The following WDR62 variants were observed in gnomAD, a reference collection of about 807,000 sequenced individuals.
WDR62 encodes the protein WD repeat-containing protein 62.
A neutral mutation model predicts 160.6 loss-of-function variants in WDR62; 112 were observed. The ratio of observed to expected loss-of-function variants is 0.70; its 90% CI spans 0.60 to 0.82. WDR62 has a LOEUF of 0.82. Among genes scored for constraint, WDR62 ranks in the 40% least tolerant of loss-of-function variants. The probability of loss-of-function intolerance (pLI) is 0.00; values close to 1 mark genes in which losing one functional copy is unlikely to be tolerated. For missense variants in WDR62, 1,819 were observed against 1,983.8 expected (o/e 0.92, Z 1.58); for synonymous variants, 792 against 815.1 (o/e 0.97, Z 0.48).
At position 36,103,083 on chromosome 19, in the gene WDR62, T is replaced by C. The variant is rs1973481388; in HGVS notation, c.3462+9T>C. ...CCCCAGACAGGACCCACGTGAGTAT[T>C]GGGCCCACCTCCGTCAGGGCACGGG... On this transcript the variant is annotated intron_variant, in intron 28 of 31. Transcript: ENST00000401500. The C allele has an allele frequency of 6.2e-7, 1 of 1,613,886 alleles. No individual in the cohort carries two copies. The highest frequency in any genetic ancestry group is 1.7e-5 in the Admixed American group (1 of 60,004).
At chr19:36,078,730 G>C (rs1417929013) in intron 9 of WDR62, among the ~76,000 whole-genome samples, 1 of 151,368 alleles carries the variant, frequency 6.6e-6, no homozygotes, top group East Asian at 2.0e-4. Context: ...CAGCTACTTG[G>C]GGGGCTGAGG....
rs548911522 is a variant in WDR62, at chr19:36,080,208, C to T, written c.1234-1225C>T. ...CTGCAAGCTCCGCCTCCCAGGTTCA[C>T]GCCATTCTCCTGCCTCAGCCTCCTG... On this transcript the variant is annotated intron_variant, in intron 9 of 31. Coordinates refer to ENST00000401500, the MANE Select transcript of WDR62 (RefSeq NM_001083961.2). Among the ~76,000 whole-genome samples, 596 of 147,936 alleles carry T rather than the reference C, an allele frequency of 4.0e-3. 3 individuals carry two copies. The highest frequency in any genetic ancestry group is 0.014 in the African/African-American group (572 of 40,264).
chr19:36,083,562 C>T (rs1972031782), intron 11 of WDR62, among the ~76,000 whole-genome samples: 2 of 152,070 alleles, frequency 1.3e-5, no homozygotes, highest in Non-Finnish European at 2.9e-5. Flanking sequence ...GAACTGTCAC[C>T]GAAGATGCCA....
chr19:36,078,221 C>A (rs1971691258), intron 9 of WDR62, among the ~76,000 whole-genome samples: 1 of 151,264 alleles, frequency 6.6e-6, no homozygotes, highest in South Asian at 2.1e-4. Context: ...GATCTCCGCT[C>A]ACTGCAACCT....
At chr19:36,077,492 G>A (rs1971641984) in intron 9 of WDR62, among the ~76,000 whole-genome samples, 2 of 152,008 alleles carry the variant, frequency 1.3e-5, no homozygotes, top group Admixed American at 1.3e-4. Context: ...ATGTTAGCCA[G>A]GATGGTCTCG....
rs144527765 is a variant in WDR62 at position 36,099,634 on chromosome 19, C to T, written c.2739+17C>T. The T allele has an allele frequency of 8.7e-6, 14 of 1,612,992 alleles. No individual in the cohort carries two copies. In the African/African-American group the frequency reaches 1.9e-4, roughly 22 times the overall value. On this transcript the variant is annotated intron_variant, in intron 22 of 31. Coordinates refer to ENST00000401500, the MANE Select transcript of WDR62 (RefSeq NM_001083961.2). ...CTGAGTGAGGTACACACTTCCACCG[C>T]AGCCTGGCCCATAGCCCCGGCACCG...
At chr19:36,072,209 G>A (rs375572956) in intron 8 of WDR62, among the ~76,000 whole-genome samples, 15 of 152,324 alleles carry the variant, frequency 9.8e-5, no homozygotes, top group South Asian at 4.1e-4. Flanking sequence ...GCAGGGACTC[G>A]GGAAGGAGAG....
At chr19:36,088,300 CTG>C (rs1972377542) in intron 13 of WDR62, among the ~76,000 whole-genome samples, 1 of 152,080 alleles carries the variant, frequency 6.6e-6, no homozygotes, top group Admixed American at 6.6e-5. Context: ...GAGCGAAACT[CTG>C]TCTCAAAAAA....
At position 36,068,844 on chromosome 19, in the gene WDR62, A is replaced by G. The variant is rs577613851; in HGVS notation, c.882+834A>G. 4.2e-3 allele frequency among the ~76,000 whole-genome samples: 647 copies of G among 152,302 alleles called. 5 individuals carry two copies. Among genetic ancestry groups the G allele is most frequent in the African/African-American group, 0.015 (627 of 41,566 alleles). ...ATTCCACAAAACCGCCATCGTCATC[A>G]TGGCCCGTTCTCAATGAGCTGTTGG... is the stretch of plus-strand genomic sequence containing the variant. On this transcript the variant is annotated intron_variant, in intron 7 of 31. Transcript: ENST00000401500.
intron 30 of WDR62, 118 bp downstream of exon 30, chr19:36,104,099 G>A: frequency 7.6e-7 from 1 of 1,309,648 alleles, no homozygotes; most frequent in East Asian, 2.4e-5. Flanking sequence ...ATTCATTCGT[G>A]CATTAACTTA....
At chr19:36,101,135 C>G in intron 23 of WDR62, 79 bp from the exon 24 acceptor site, 1 of 1,389,750 alleles carries the variant, frequency 7.2e-7, no homozygotes, top group Non-Finnish European at 1.0e-6. Flanking sequence ...GTACAGGTGC[C>G]TAGGGGCTCC....
intron 9 of WDR62, 27 bp downstream of exon 9, chr19:36,073,558 C>T: frequency 6.6e-7 from 1 of 1,524,646 alleles, no homozygotes; most frequent in Non-Finnish European, 9.0e-7. Context: ...CCCCCTTGCC[C>T]CTGCTTGGCC....
Position 36,091,315 on chromosome 19 carries a change from G to T in WDR62, c.2146+4G>T. The T allele has an allele frequency of 6.2e-7, 1 of 1,613,968 alleles. No homozygotes were observed. Among genetic ancestry groups the T allele is most frequent in the Non-Finnish European group, 8.5e-7 (1 of 1,179,962 alleles). On this transcript the variant is annotated splice_donor_region_variant and intron_variant, in intron 17 of 31. Transcript: ENST00000401500. ...GCCAAGATGTTTGGCCATTCAGGTGGGTGTGCCTCTCTGCTTGGGATGCCT... is the reference window on the plus strand; with the variant it reads ...GCCAAGATGTTTGGCCATTCAGGTGTGTGTGCCTCTCTGCTTGGGATGCCT...
chr19:36,073,615 A>G (rs780104379), intron 9 of WDR62, 84 bp downstream of exon 9: 42 of 1,129,468 alleles, frequency 3.7e-5, no homozygotes, highest in Non-Finnish European at 4.6e-5. Context: ...TAATTCCTTC[A>G]GAAGATACTC....
chr19:36,079,898 T>G (rs1267043898), intron 9 of WDR62, among the ~76,000 whole-genome samples: 1 of 152,136 alleles, frequency 6.6e-6, no homozygotes, highest in Non-Finnish European at 1.5e-5. Flanking sequence ...CTGGTTGATG[T>G]TTTTCTTATG....
chr19:36,097,288 AG>A (rs756505260), intron 21 of WDR62, among the ~76,000 whole-genome samples: 24 of 152,258 alleles, frequency 1.6e-4, no homozygotes, highest in Non-Finnish European at 2.9e-4. Flanking sequence ...ACAGTGAGCA[AG>A]GGAAACAAAA....
chr19:36,109,733 C>CA (rs1302084748), downstream of WDR62, among the ~76,000 whole-genome samples: 8 of 144,260 alleles, frequency 5.5e-5, no homozygotes, highest in African/African-American at 1.6e-4. Context: ...GAATCTGTCT[C>CA]AAAAAACAAA....
chr19:36,105,191 A>G, downstream of WDR62: 2 of 890,254 alleles, frequency 2.2e-6, no homozygotes, highest in South Asian at 3.3e-5. Context: ...TGATGCCCAG[A>G]GGACTCGTGT....
At chr19:36,097,239 T>C (rs1406284172) in intron 21 of WDR62, among the ~76,000 whole-genome samples, 160 bp downstream of exon 21, 1 of 152,214 alleles carries the variant, frequency 6.6e-6, no homozygotes, top group African/African-American at 2.4e-5. Flanking sequence ...TCATGATCAG[T>C]GCTCTCTGCC....
Sources: allele counts gnomAD v4.1 joint callset (sites outside exome capture counted in the v4.1 genomes callset), GRCh38; gene constraint gnomAD v4.1.1; transcripts MANE v1.5; gene names NCBI Gene and HGNC (gene_info 2026-07-23, HGNC 2026-07-21).